The following SI variants were observed in gnomAD, a reference collection of about 807,000 sequenced individuals.
SI encodes sucrase-isomaltase, intestinal.
SI carries 235 observed loss-of-function variants against 253.3 expected under a neutral mutation model. That is an observed-to-expected ratio of 0.93 (90% CI 0.83 to 1.03). The LOEUF (loss-of-function observed/expected upper bound fraction) is 1.03. Ranked by LOEUF, SI falls within the 50% of genes least tolerant of loss-of-function variation. SI has a pLI of 0.00. For synonymous variants in SI, 819 were observed against 712.0 expected, an observed-to-expected ratio of 1.15 and a Z score of -2.39; for missense variants, 2,442 against 2,211.1, an observed-to-expected ratio of 1.10 and a Z score of -2.09.
At chr3:165,002,908 G>A (rs1011350502) in intron 37 of SI, among the ~76,000 whole-genome samples, 5 of 151,668 alleles carry the variant, frequency 3.3e-5, no homozygotes, top group African/African-American at 9.7e-5. Flanking sequence ...TTTTATGAAC[G>A]AGAGCAAAAT....
At chr3:165,049,284 C>A (rs1302836311) in intron 14 of SI, 40 bp from the exon 15 acceptor site, 13 of 1,144,986 alleles carry the variant, frequency 1.1e-5, no homozygotes, top group Non-Finnish European at 1.7e-5. Context: ...TATATTTTTC[C>A]ATTATAAAAG....
the SI span, among the ~76,000 whole-genome samples, chr3:165,089,363 C>T: frequency 6.6e-6 from 1 of 152,052 alleles, no homozygotes; most frequent in Non-Finnish European, 1.5e-5. Context: ...ACTGAGGTGA[C>T]ATTTATGTTA....
At chr3:165,022,442 T>A (rs1407865635) in intron 26 of SI, among the ~76,000 whole-genome samples, 1 of 151,352 alleles carries the variant, frequency 6.6e-6, no homozygotes, top group African/African-American at 2.4e-5. Context: ...AAACAGACAC[T>A]TTTTTATATA....
chr3:165,072,931 G>C lies in SI; in HGVS notation c.255+1600C>G, dbSNP rs142872087. On this transcript the variant is annotated intron_variant, in intron 3 of 47. Coordinates refer to ENST00000264382, the MANE Select transcript of SI (RefSeq NM_001041.4). ...CTAAGTTAAACTTTTAAAACTGTAA[G>C]TTGTATTTTTATAAATAACAAGCAT... Among the ~76,000 whole-genome samples the C allele has an allele frequency of 3.6e-3, 542 of 152,220 alleles. 6 individuals carry two copies. The highest frequency in any genetic ancestry group is 0.013 in the African/African-American group (522 of 41,560).
chr3:165,016,104 A>G (rs1331085394), intron 31 of SI, 24 bp from the exon 32 acceptor site: 1 of 1,605,358 alleles, frequency 6.2e-7, no homozygotes. Context: ...AAATTATCAA[A>G]GTAGGGCAAA....
chr3:165,016,501 G>A (rs187000560), intron 31 of SI, among the ~76,000 whole-genome samples: 120 of 151,960 alleles, frequency 7.9e-4, no homozygotes, highest in East Asian at 2.1e-3. Context: ...AGCAAATATC[G>A]GGTAATTTCA....
intron 27 of SI, 127 bp from the exon 28 acceptor site, chr3:165,019,897 C>G: frequency 2.4e-6 from 2 of 847,998 alleles, no homozygotes; most frequent in Non-Finnish European, 3.8e-6. Flanking sequence ...CTAATTATAC[C>G]CAGGTACCAA....
Position 164,996,625 on chromosome 3 carries a change from G to T in SI, c.4602C>A (p.Phe1534Leu). ...SYTGADICGFFNNSEYHLCTR... is the reference protein window; with the variant it reads ...SYTGADICGFLNNSEYHLCTR... Reference sequence around the variant, plus strand: ...TACAGAGATGATATTCTGAGTTGTTGAAAAAACCACAGATGTCTGCTCCAG... The same window carrying T: ...TACAGAGATGATATTCTGAGTTGTTTAAAAAACCACAGATGTCTGCTCCAG... Residue 1534 changes from phenylalanine (F) to leucine (L), a missense_variant, in exon 40 of 48, where the codon TTC becomes TTA. By Grantham distance (22) the Phe-to-Leu change is conservative (BLOSUM62 0). Coordinates refer to ENST00000264382, the MANE Select transcript of SI (RefSeq NM_001041.4). 1 of 1,605,660 alleles carries T rather than the reference G, an allele frequency of 6.2e-7. No individual in the cohort carries two copies. The highest frequency in any genetic ancestry group is 8.5e-7 in the Non-Finnish European group (1 of 1,173,202).
chr3:165,013,597 C>T (rs989788060), intron 33 of SI, among the ~76,000 whole-genome samples: 9 of 152,172 alleles, frequency 5.9e-5, no homozygotes, highest in South Asian at 2.1e-4. Context: ...TGACCAGAAA[C>T]ACACAAAACA....
At chr3:165,067,204 C>T (rs1714289087) in intron 6 of SI, 136 bp downstream of exon 6, 2 of 620,840 alleles carry the variant, frequency 3.2e-6, no homozygotes, top group African/African-American at 3.7e-5. Context: ...TCCTTTATCA[C>T]CGTAATTTTT....
At chr3:165,062,223 C>G (rs1400993189) in intron 9 of SI, 148 bp downstream of exon 9, 3 of 600,210 alleles carry the variant, frequency 5.0e-6, no homozygotes, top group African/African-American at 3.8e-5. Flanking sequence ...AAAAAAACAC[C>G]CAGCTGCATC....
At chr3:165,031,287 T>C (rs2108203615) in intron 24 of SI, among the ~76,000 whole-genome samples, 1 of 149,262 alleles carries the variant, frequency 6.7e-6, no homozygotes, top group South Asian at 2.1e-4. Context: ...TGAAAATTCA[T>C]ATAAAGATCA....
At chr3:165,019,392 ATTG>A (rs1322198813) in intron 28 of SI, among the ~76,000 whole-genome samples, 1 of 151,914 alleles carries the variant, frequency 6.6e-6, no homozygotes, top group Non-Finnish European at 1.5e-5. Context: ...AGTCAAGCAA[ATTG>A]TTATCCATCC....
intron 3 of SI, among the ~76,000 whole-genome samples, chr3:165,071,445 T>C (rs116401329): frequency 0.01 from 1,539 of 151,458 alleles, 28 homozygotes; most frequent in African/African-American, 0.035. Flanking sequence ...AAATTTATCA[T>C]ATTTTAACAT....
At position 164,994,391 on chromosome 3, in the gene SI, A is replaced by G. The variant is rs1717916667; in HGVS notation, c.4707T>C (p.Ala1569=). The change falls in exon 41 of 48, where the codon GCT becomes GCC. Residue 1569 remains alanine, a synonymous_variant. Transcript: ENST00000264382. ...TTTCAGCAAAAGTTTCATTCCAGGA[A>G]GCGGGATCTTGTCTCTGAAACAAAG... is the stretch of plus-strand genomic sequence containing the variant. ...NIANTRRQDP[A]SWNETFAEMS... 1 of 1,610,882 alleles carries G rather than the reference A, an allele frequency of 6.2e-7. No individual in the cohort carries two copies. The highest frequency in any genetic ancestry group is 1.3e-5 in the African/African-American group (1 of 74,904).
At chr3:165,026,787 A>G (rs191285898) in intron 25 of SI, among the ~76,000 whole-genome samples, 2 of 151,444 alleles carry the variant, frequency 1.3e-5, no homozygotes, top group Admixed American at 6.6e-5. Flanking sequence ...CAATAGTGAC[A>G]CAGCCTATCA....
At position 164,992,586 on chromosome 3, in the gene SI, A is replaced by G. The variant is rs113165408; in HGVS notation, c.4842-189T>C. On this transcript the variant is annotated intron_variant, in intron 41 of 47. Transcript: ENST00000264382. Reference sequence around the variant, plus strand: ...ACAATGCTCAGCAGTATAATACTTTATGAGTAAATCTAGACTATGACTAAA... The same window carrying G: ...ACAATGCTCAGCAGTATAATACTTTGTGAGTAAATCTAGACTATGACTAAA... 6.4e-4 allele frequency among the ~76,000 whole-genome samples: 98 copies of G among 152,092 alleles called. 2 individuals carry two copies. Among genetic ancestry groups the G allele is most frequent in the African/African-American group, 2.1e-3 (86 of 41,560 alleles).
intron 14 of SI, 27 bp downstream of exon 14, chr3:165,049,764 G>C: frequency 8.0e-7 from 1 of 1,257,294 alleles, no homozygotes; most frequent in Non-Finnish European, 1.2e-6. Flanking sequence ...AATTAAAACA[G>C]TAATTAGATA....
At chr3:165,052,109 G>A (rs1047125241) in intron 13 of SI, among the ~76,000 whole-genome samples, 2 of 151,896 alleles carry the variant, frequency 1.3e-5, no homozygotes, top group Non-Finnish European at 2.9e-5. Context: ...TATATAGCAA[G>A]ATTGTATTAA....
Sources: gnomAD v4.1 joint callset for allele counts (sites outside exome capture counted in the v4.1 genomes callset) on GRCh38, gnomAD v4.1.1 for gene constraint, MANE v1.5 for transcripts, NCBI Gene and HGNC (gene_info 2026-07-23, HGNC 2026-07-21) for gene names.